ARHGEF10: variants seen among roughly 807,000 people sequenced by gnomAD.
ARHGEF10 encodes Rho guanine nucleotide exchange factor 10, also known as Rho guanine nucleotide exchange factor (GEF) 10.
A neutral mutation model predicts 147.4 loss-of-function variants in ARHGEF10; 140 were observed. That is an observed-to-expected ratio of 0.95 (90% CI 0.83 to 1.09). The LOEUF (loss-of-function observed/expected upper bound fraction) is 1.09, where lower values mean the gene tolerates loss of function less well. Ranked by LOEUF, ARHGEF10 falls within the 50% of genes least tolerant of loss-of-function variation. The pLI, the probability that ARHGEF10 is intolerant of heterozygous loss-of-function variation, is 0.00. For missense variants in ARHGEF10, 2,222 were observed against 1,752.7 expected, an observed-to-expected ratio of 1.27 and a Z score of -4.78; for synonymous variants, 902 against 695.8, an observed-to-expected ratio of 1.30 and a Z score of -4.67.
intron 14 of ARHGEF10, among the ~76,000 whole-genome samples, chr8:1,897,384 G>A (rs1443206192): frequency 2.0e-5 from 3 of 150,296 alleles, no homozygotes; most frequent in African/African-American, 4.9e-5. Context: ...CTAAGGGATC[G>A]GATCGCAGTT....
intron 21 of ARHGEF10, among the ~76,000 whole-genome samples, chr8:1,924,519 A>C (rs1022542838): frequency 6.6e-6 from 1 of 152,206 alleles, no homozygotes; most frequent in Non-Finnish European, 1.5e-5. Flanking sequence ...CTGAAATGTT[A>C]ACGGAGTATA....
intron 4 of ARHGEF10, among the ~76,000 whole-genome samples, chr8:1,862,544 A>C (rs1806217865): frequency 6.6e-6 from 1 of 152,036 alleles, no homozygotes; most frequent in Non-Finnish European, 1.5e-5. Flanking sequence ...TTTGCACCTT[A>C]ATTTCCCGGA....
intron 7 of ARHGEF10, among the ~76,000 whole-genome samples, chr8:1,872,848 C>T (rs910325776): frequency 2.0e-5 from 3 of 152,294 alleles, no homozygotes; most frequent in African/African-American, 4.8e-5. Flanking sequence ...TGCCTGCTGT[C>T]ATGGAGATAG....
rs117610186 is a variant in ARHGEF10 at position 1,906,530 on chromosome 8, G to A, written c.1967+814G>A. ...TAAACATGCCCTATTTTTCATGCCC[G>A]TCGCCCCCATTTTCCAGCGGCCAGA... On this transcript the variant is annotated intron_variant, in intron 17 of 28. Coordinates refer to ENST00000349830, the MANE Select transcript of ARHGEF10 (RefSeq NM_014629.4). Among the ~76,000 whole-genome samples, 189 of 152,220 alleles carry A rather than the reference G, an allele frequency of 1.2e-3. 1 individual carries two copies. In the East Asian group the frequency reaches 0.015, roughly 12 times the overall value.
intron 2 of ARHGEF10, among the ~76,000 whole-genome samples, chr8:1,855,121 C>T (rs1288693090): frequency 6.6e-6 from 1 of 152,094 alleles, no homozygotes; most frequent in African/African-American, 2.4e-5. Context: ...GTGTGGGTTC[C>T]GGTCCCAACA....
intron 1 of ARHGEF10, among the ~76,000 whole-genome samples, chr8:1,833,769 T>C (rs1186516163): frequency 2.0e-5 from 3 of 152,218 alleles, no homozygotes; most frequent in Non-Finnish European, 4.4e-5. Flanking sequence ...CACTGCCTTC[T>C]TTAGGAAGCC....
intron 13 of ARHGEF10, among the ~76,000 whole-genome samples, chr8:1,895,896 C>A (rs554859243): frequency 6.6e-6 from 1 of 151,982 alleles, no homozygotes; most frequent in African/African-American, 2.4e-5. Context: ...CAGGATCAGC[C>A]CCCGCCCCCA....
intron 26 of ARHGEF10, among the ~76,000 whole-genome samples, chr8:1,939,021 C>A (rs1813858783): frequency 6.6e-6 from 1 of 150,604 alleles, no homozygotes. Context: ...TCCCCAGAAA[C>A]CCTGAACACT....
rs1425717730 is a variant in ARHGEF10 at position 1,841,802 on chromosome 8, A to AGGAACTGGGGCCGCGGCG, written c.-47-1535_-47-1518dup. Among the ~76,000 whole-genome samples, 111 of 136,904 alleles carry AGGAACTGGGGCCGCGGCG rather than the reference A, an allele frequency of 8.1e-4. 10 individuals are homozygous for AGGAACTGGGGCCGCGGCG. The highest frequency in any genetic ancestry group is 9.3e-4 in the African/African-American group (33 of 35,588). The allele number at this position is 136,904 out of a possible 152,430, so 89.8% of individuals were successfully genotyped here. A position where few individuals can be genotyped will look rare whatever the true frequency, so the allele number is the denominator to read the frequency against. On this transcript the variant is annotated intron_variant, in intron 1 of 28. Coordinates refer to ENST00000349830, the MANE Select transcript of ARHGEF10 (RefSeq NM_014629.4). ...ATGTTGGTGAAATGACCTGAAACCT[A>AGGAACTGGGGCCGCGGCG]GGAACTGGGGCCGCGGCGGGAACTG...
At chr8:1,890,347 G>C (rs1035192769) in intron 11 of ARHGEF10, among the ~76,000 whole-genome samples, 1 of 149,874 alleles carries the variant, frequency 6.7e-6, no homozygotes, top group Admixed American at 6.6e-5. Flanking sequence ...TGGGGTGAGA[G>C]TTGTGAGGAT....
In ARHGEF10 at chr8:1,957,125, G is replaced by A; in HGVS notation, c.3897G>A (p.Lys1299=). The A allele has an allele frequency of 1.2e-6, 2 of 1,613,084 alleles. No individual in the cohort carries two copies. The highest frequency in any genetic ancestry group is 1.7e-6 in the Non-Finnish European group (2 of 1,180,044). The change falls in exon 29 of 29, where the codon AAG becomes AAA. Residue 1299 remains lysine (K), a synonymous_variant. Coordinates refer to ENST00000349830, the MANE Select transcript of ARHGEF10 (RefSeq NM_014629.4). ...VSLRSKARRA[K]KAKASSALVV... ...TGAGAAGCAAAGCACGCCGGGCCAA[G>A]AAAGCCAAGGCCAGCTCGGCGCTGG...
intron 2 of ARHGEF10, 89 bp from the exon 3 acceptor site, chr8:1,857,871 G>GATCAATCT: frequency 2.4e-6 from 1 of 425,052 alleles, no homozygotes; most frequent in South Asian, 3.5e-5. Flanking sequence ...GGCTAACATA[G>GATCAATCT]ATCGATCGAT....
intron 2 of ARHGEF10, among the ~76,000 whole-genome samples, chr8:1,847,456 G>A (rs754372007): frequency 6.6e-6 from 1 of 152,116 alleles, no homozygotes; most frequent in Non-Finnish European, 1.5e-5. Flanking sequence ...TTACATTAGG[G>A]CAAAAGAAAT....
chr8:1,843,437 G>T lies in ARHGEF10; in HGVS notation c.37+1G>T, dbSNP rs1263226410. 1 of 1,612,254 alleles carries T rather than the reference G, an allele frequency of 6.2e-7. No homozygotes were observed. ...GAGCCCCTGCCTCCCGCTCCTGCAG[G>T]TAACAGCACTCAGTAGGTGGGCCTG... On this transcript the variant is annotated splice_donor_variant, in intron 2 of 28. Coordinates refer to ENST00000349830, the MANE Select transcript of ARHGEF10 (RefSeq NM_014629.4). LOFTEE classifies it high-confidence loss of function.
rs1003593333 is a variant in ARHGEF10, at chr8:1,948,915, A to G, written c.3397+3260A>G. ...GGGTTCTTCTCCTCCTTATCGTCCA[A>G]GATGGTTCCTGGAGGCCCACACATG... On this transcript the variant is annotated intron_variant, in intron 27 of 28. Coordinates refer to ENST00000349830, the MANE Select transcript of ARHGEF10 (RefSeq NM_014629.4). The surrounding 1 kb of genome is among the most constrained non-coding windows in gnomAD (Gnocchi z 4.9). Among the ~76,000 whole-genome samples, 1 of 152,062 alleles carries G rather than the reference A, an allele frequency of 6.6e-6. No homozygotes were observed. Among genetic ancestry groups the G allele is most frequent in the Non-Finnish European group, 1.5e-5 (1 of 68,004 alleles).
At chr8:1,833,044 A>G (rs1585206523) in intron 1 of ARHGEF10, among the ~76,000 whole-genome samples, 1 of 119,484 alleles carries the variant, frequency 8.4e-6, no homozygotes, top group African/African-American at 3.2e-5. Context: ...AGAGAGACAG[A>G]GACAGAGGCA....
chr8:1,930,427 C>A (rs940447337), intron 25 of ARHGEF10, among the ~76,000 whole-genome samples: 14 of 152,198 alleles, frequency 9.2e-5, no homozygotes, highest in Non-Finnish European at 1.6e-4. Context: ...TCTTCCGCTT[C>A]TACTGATTCA....
chr8:1,842,808 A>G (rs945081977), intron 1 of ARHGEF10, among the ~76,000 whole-genome samples: 3 of 152,248 alleles, frequency 2.0e-5, no homozygotes, highest in African/African-American at 4.8e-5. Context: ...CACGAAGTGT[A>G]GACAAGAATC....
At chr8:1,917,372 C>G (rs552328001) in intron 18 of ARHGEF10, among the ~76,000 whole-genome samples, 1 of 152,222 alleles carries the variant, frequency 6.6e-6, no homozygotes, top group Non-Finnish European at 1.5e-5. Context: ...GCTCTGACGT[C>G]TCGGTCTCAC....
Sources: allele counts gnomAD v4.1 joint callset (sites outside exome capture counted in the v4.1 genomes callset), GRCh38; gene constraint gnomAD v4.1.1; non-coding constraint Gnocchi (gnomAD v3.1); transcripts MANE v1.5; gene names NCBI Gene and HGNC (gene_info 2026-07-23, HGNC 2026-07-21).